Variants in COL22A1 observed in about 807,000 individuals in gnomAD.
COL22A1 encodes the protein collagen type XXII alpha 1 chain.
In COL22A1, 221 loss-of-function variants were observed where a neutral mutation model predicts 248.9. That is an observed-to-expected ratio of 0.89 (90% CI 0.80 to 0.99). The LOEUF is 0.99. Ranked by LOEUF, COL22A1 falls within the 50% of genes least tolerant of loss-of-function variation. The pLI is 0.00. For synonymous variants in COL22A1, 891 were observed against 793.4 expected, an observed-to-expected ratio of 1.12 and a Z score of -2.07; for missense variants, 2,240 against 2,179.0, an observed-to-expected ratio of 1.03 and a Z score of -0.56.
intron 1 of COL22A1, among the ~76,000 whole-genome samples, chr8:138,888,875 G>A (rs1824854240): frequency 1.3e-5 from 2 of 152,088 alleles, no homozygotes; most frequent in South Asian, 4.2e-4. Context: ...AGCATGTAGT[G>A]GTCACCTAAA....
rs144551056 is a variant in COL22A1 at position 138,703,084 on chromosome 8, C to G, written c.2559+222G>C. ...GTATTCTCAGTATCTAGCACCCATT[C>G]TGATAAATAATTGTGCTTTTGCTGA... On this transcript the variant is annotated intron_variant, in intron 31 of 64. Coordinates refer to ENST00000303045, the MANE Select transcript of COL22A1 (RefSeq NM_152888.3). Among the ~76,000 whole-genome samples the G allele has an allele frequency of 5.9e-5, 9 of 152,270 alleles. No homozygotes were observed. The East Asian group carries it at 1.7e-3, about 29-fold the overall frequency.
intron 23 of COL22A1, among the ~76,000 whole-genome samples, chr8:138,735,890 A>C (rs542498058): frequency 4.4e-4 from 67 of 152,284 alleles, no homozygotes; most frequent in African/African-American, 1.5e-3. Flanking sequence ...CCTGCCAACG[A>C]GGGACGGACA....
chr8:138,623,705 T>C (rs778269425), intron 52 of COL22A1, 27 bp downstream of exon 52: 30 of 1,589,572 alleles, frequency 1.9e-5, no homozygotes, highest in Non-Finnish European at 2.6e-5. Context: ...TGGCATGTGA[T>C]ATAATAGGAA....
chr8:138,609,960 T>C (rs772582800), intron 56 of COL22A1, among the ~76,000 whole-genome samples: 3 of 152,198 alleles, frequency 2.0e-5, no homozygotes, highest in East Asian at 1.9e-4. Context: ...GTTCCCCTTT[T>C]CAACCCTTTT....
chr8:138,782,989 A>G (rs543417389), intron 12 of COL22A1, among the ~76,000 whole-genome samples: 1 of 152,264 alleles, frequency 6.6e-6, no homozygotes, highest in African/African-American at 2.4e-5. Flanking sequence ...CAAAGACACA[A>G]CACTGACTTA....
At position 138,755,489 on chromosome 8, in the gene COL22A1, C is replaced by G; in HGVS notation, c.1970G>C (p.Gly657Ala). ...GACGCGTGTGCCTCTTACCTGTTCCCCTTTCAAGCCCTCTTGCTGCACCTG... is the reference window on the plus strand; with the variant it reads ...GACGCGTGTGCCTCTTACCTGTTCCGCTTTCAAGCCCTCTTGCTGCACCTG... ...GSVVQQEGLKGEQGAPGPRGH... is the reference protein window; with the variant it reads ...GSVVQQEGLKAEQGAPGPRGH... The change falls in exon 20 of 65, where the codon GGG becomes GCG. Residue 657 changes from glycine to alanine, a missense_variant. Coordinates refer to ENST00000303045, the MANE Select transcript of COL22A1 (RefSeq NM_152888.3). 2 of 1,614,086 alleles carry G rather than the reference C, an allele frequency of 1.2e-6. No homozygotes were observed. Among genetic ancestry groups the G allele is most frequent in the South Asian group, 1.1e-5 (1 of 91,088 alleles).
At position 138,602,761 on chromosome 8, in the gene COL22A1, C is replaced by T. The variant is rs993486520; in HGVS notation, c.4141-602G>A. ...AACAAGGGACACGGCCCACAGTGCCCACTGCTTCTGTCATTGTCTCCACCT... is the reference window on the plus strand; with the variant it reads ...AACAAGGGACACGGCCCACAGTGCCTACTGCTTCTGTCATTGTCTCCACCT... On this transcript the variant is annotated intron_variant, in intron 59 of 64. Coordinates refer to ENST00000303045, the MANE Select transcript of COL22A1 (RefSeq NM_152888.3). 2.3e-4 allele frequency among the ~76,000 whole-genome samples: 35 copies of T among 152,320 alleles called. 1 individual carries two copies. The highest frequency in any genetic ancestry group is 4.3e-4 in the Non-Finnish European group (29 of 68,030).
At chr8:138,778,079 T>C in intron 15 of COL22A1, 1 of 522,104 alleles carries the variant, frequency 1.9e-6, no homozygotes, top group Admixed American at 3.2e-5. Context: ...CCTGTGGTGC[T>C]GGTTAAAAAT....
chr8:138,630,661 A>G, intron 50 of COL22A1, 34 bp downstream of exon 50: 5 of 1,601,916 alleles, frequency 3.1e-6, no homozygotes, highest in South Asian at 1.1e-5. Context: ...CTAAAGACAG[A>G]TTAAAAACAG....
Position 138,655,916 on chromosome 8 carries a change from T to C in COL22A1, c.3314A>G (p.Asp1105Gly). ...PGLSSLLSPG[D>G]INLLAKDVCN... The stretch of plus-strand genomic sequence containing the variant: ...TTTTACCTTAGCCAAGAGATTTATG[T>C]CCCCTGGAGACAGTAGTGAAGAGAG... The change falls in exon 45 of 65, where the codon GAC (aspartate) becomes GGC (glycine). Residue 1105 changes from aspartate (D) to glycine (G), a missense_variant. By Grantham distance (94) the Asp-to-Gly change is moderately conservative. Transcript: ENST00000303045. 6.2e-7 allele frequency: 1 copy of C among 1,612,796 alleles called. No homozygotes were observed. The highest frequency in any genetic ancestry group is 1.7e-5 in the Admixed American group (1 of 59,990).
chr8:138,856,587 G>A, intron 3 of COL22A1, among the ~76,000 whole-genome samples: 1 of 138,326 alleles, frequency 7.2e-6, no homozygotes. Context: ...AGAGACAGAG[G>A]CAGTGAGAGA....
chr8:138,668,752 A>G (rs974094918), intron 41 of COL22A1, among the ~76,000 whole-genome samples: 70 of 152,188 alleles, frequency 4.6e-4, no homozygotes, highest in Non-Finnish European at 9.4e-4. Flanking sequence ...GCTGCATGGC[A>G]TGGAGCCCAC....
At chr8:138,664,232 C>T (rs1270683216) in intron 41 of COL22A1, among the ~76,000 whole-genome samples, 2 of 150,136 alleles carry the variant, frequency 1.3e-5, no homozygotes, top group African/African-American at 5.0e-5. Context: ...CACACACACA[C>T]ACACACACAC....
intron 55 of COL22A1, among the ~76,000 whole-genome samples, 156 bp downstream of exon 55, chr8:138,615,845 C>T (rs1304191575): frequency 1.3e-5 from 2 of 152,162 alleles, no homozygotes; most frequent in Non-Finnish European, 1.5e-5. Flanking sequence ...AGGTTGGAGG[C>T]GCCAATCTCA....
At chr8:138,665,143 G>A (rs1824383270) in intron 41 of COL22A1, among the ~76,000 whole-genome samples, 1 of 152,140 alleles carries the variant, frequency 6.6e-6, no homozygotes, top group African/African-American at 2.4e-5. Flanking sequence ...GTGTGTATTT[G>A]GGCACTAGAG....
At chr8:138,828,073 G>T (rs962644793) in intron 5 of COL22A1, 2 of 151,008 alleles carry the variant, frequency 1.3e-5, no homozygotes, top group African/African-American at 4.9e-5. Context: ...TGTTTTCCTC[G>T]TGAGGTCCCT....
chr8:138,776,123 G>T, intron 15 of COL22A1, 113 bp from the exon 16 acceptor site: 5 of 1,000,684 alleles, frequency 5.0e-6, no homozygotes, highest in Non-Finnish European at 4.8e-6. Flanking sequence ...GGGTGGCAGG[G>T]ATGGTGATAG....
chr8:138,855,145 TA>T, intron 3 of COL22A1, among the ~76,000 whole-genome samples: 1 of 152,022 alleles, frequency 6.6e-6, no homozygotes, highest in African/African-American at 2.4e-5. Context: ...TAAAAGAAAA[TA>T]AAAAATGTCC....
In COL22A1 at chr8:138,755,526, A is replaced by G. The variant is rs375327443; in HGVS notation, c.1948-15T>C. On this transcript the variant is annotated splice_polypyrimidine_tract_variant and intron_variant, in intron 19 of 64. Coordinates refer to ENST00000303045, the MANE Select transcript of COL22A1 (RefSeq NM_152888.3). The stretch of plus-strand genomic sequence containing the variant: ...TCTTGCTGCACCTGAGAGACAAAGC[A>G]AGCATTAGCAAAGGTGCTGGCATTT... 6.2e-7 allele frequency: 1 copy of G among 1,613,994 alleles called. No homozygotes were observed. Among genetic ancestry groups the G allele is most frequent in the South Asian group, 1.1e-5 (1 of 91,074 alleles).
Sources: allele counts gnomAD v4.1 joint callset (sites outside exome capture counted in the v4.1 genomes callset), GRCh38; gene constraint gnomAD v4.1.1; transcripts MANE v1.5; gene names NCBI Gene and HGNC (gene_info 2026-07-23, HGNC 2026-07-21).